Variants in MYOF observed in about 807,000 individuals in gnomAD.
MYOF encodes the protein fer-1-like 3, myoferlin.
In MYOF, 244 loss-of-function variants were observed where a neutral mutation model predicts 284.2. The ratio of observed to expected loss-of-function variants is 0.86; its 90% CI spans 0.77 to 0.95. The LOEUF (loss-of-function observed/expected upper bound fraction) is 0.95. MYOF is among the 40% of genes least tolerant of loss of function. The pLI, the probability that MYOF is intolerant of heterozygous loss-of-function variation, is 0.00. For missense variants in MYOF, 2,496 were observed against 2,560.6 expected, an observed-to-expected ratio of 0.97 and a Z score of 0.54; for synonymous variants, 904 against 919.7, an observed-to-expected ratio of 0.98 and a Z score of 0.31.
At chr10:93,444,848 G>A (rs889800340) in intron 3 of MYOF, among the ~76,000 whole-genome samples, 3 of 152,194 alleles carry the variant, frequency 2.0e-5, no homozygotes, top group Non-Finnish European at 2.9e-5. Context: ...GAACTCAAGG[G>A]TAGGGCCAGG....
intron 27 of MYOF, 64 bp downstream of exon 27, chr10:93,363,897 G>C: frequency 1.4e-6 from 2 of 1,472,744 alleles, no homozygotes; most frequent in Non-Finnish European, 1.9e-6. Flanking sequence ...GTGGCTGCTG[G>C]GTTCCCCGCA....
chr10:93,348,602 G>T (rs1319285057), intron 36 of MYOF, among the ~76,000 whole-genome samples: 1 of 151,976 alleles, frequency 6.6e-6, no homozygotes, highest in African/African-American at 2.4e-5. Context: ...AGGATAGGTG[G>T]AGTGGCCCAG....
chr10:93,321,814 T>C (rs1842853611), intron 48 of MYOF, among the ~76,000 whole-genome samples: 3 of 152,236 alleles, frequency 2.0e-5, no homozygotes, highest in Admixed American at 1.3e-4. Context: ...TATGTATAGC[T>C]TGGTATGTAA....
chr10:93,362,594 A>G (rs1372311060), intron 27 of MYOF, among the ~76,000 whole-genome samples: 2 of 152,198 alleles, frequency 1.3e-5, no homozygotes, highest in Non-Finnish European at 2.9e-5. Flanking sequence ...TCATAATGTT[A>G]ATTATATACA....
chr10:93,371,187 G>T (rs1406003497), intron 24 of MYOF, among the ~76,000 whole-genome samples: 2 of 152,128 alleles, frequency 1.3e-5, no homozygotes, highest in African/African-American at 2.4e-5. Context: ...GTCATTCAAA[G>T]TCCAAGAAAG....
intron 43 of MYOF, among the ~76,000 whole-genome samples, 166 bp from the exon 44 acceptor site, chr10:93,330,000 C>T (rs548254857): frequency 2.1e-4 from 32 of 152,222 alleles, no homozygotes; most frequent in African/African-American, 7.7e-4. Flanking sequence ...ATAAATAGTA[C>T]ATACTAGAAA....
intron 29 of MYOF, among the ~76,000 whole-genome samples, chr10:93,357,880 G>A (rs138208139): frequency 2.4e-4 from 37 of 152,284 alleles, no homozygotes; most frequent in East Asian, 5.8e-4. Flanking sequence ...TGGTGCCCTC[G>A]TGTGGAAGAA....
chr10:93,384,300 G>T (rs886358009), intron 19 of MYOF, among the ~76,000 whole-genome samples: 4 of 152,200 alleles, frequency 2.6e-5, no homozygotes, highest in African/African-American at 7.2e-5. Flanking sequence ...ATTCAGAGAA[G>T]TACAGAGCCT....
intron 1 of MYOF, among the ~76,000 whole-genome samples, chr10:93,457,720 A>G (rs1387147230): frequency 6.8e-6 from 1 of 146,892 alleles, no homozygotes; most frequent in African/African-American, 2.5e-5. Flanking sequence ...ATGCTTTGTC[A>G]GCATTATCTC....
At chr10:93,406,621 T>C (rs920835004) in intron 7 of MYOF, among the ~76,000 whole-genome samples, 3 of 151,492 alleles carry the variant, frequency 2.0e-5, no homozygotes, top group Non-Finnish European at 4.4e-5. Context: ...CTGAAGTCCA[T>C]TTCCAGTGCC....
intron 49 of MYOF, among the ~76,000 whole-genome samples, chr10:93,317,552 A>C (rs185177660): frequency 5.3e-5 from 8 of 152,186 alleles, no homozygotes; most frequent in Admixed American, 5.2e-4. Flanking sequence ...CACGAGAATC[A>C]CTCAAACCTG....
intron 39 of MYOF, among the ~76,000 whole-genome samples, chr10:93,339,337 A>G (rs181721806): frequency 1.7e-3 from 252 of 149,984 alleles, no homozygotes; most frequent in Non-Finnish European, 2.2e-3. Context: ...TATTCATGTT[A>G]TATTATATGT....
At chr10:93,421,713 C>T (rs374466918) in intron 5 of MYOF, among the ~76,000 whole-genome samples, 36 of 152,180 alleles carry the variant, frequency 2.4e-4, no homozygotes, top group African/African-American at 8.7e-4. Flanking sequence ...CTTCCCCTTC[C>T]CCCATGAGTG....
chr10:93,319,004 TC>T (rs1842740851), intron 49 of MYOF, among the ~76,000 whole-genome samples: 1 of 152,160 alleles, frequency 6.6e-6, no homozygotes, highest in Non-Finnish European at 1.5e-5. Context: ...CTTAGCGGAC[TC>T]CCCTTTTCCC....
In MYOF at chr10:93,398,665, C is replaced by T. The variant is rs374980190; in HGVS notation, c.1221+727G>A. Among the ~76,000 whole-genome samples, 7 of 152,170 alleles carry T rather than the reference C, an allele frequency of 4.6e-5. No individual in the cohort carries two copies. In the East Asian group the frequency reaches 1.3e-3, roughly 29 times the overall value. On this transcript the variant is annotated intron_variant, in intron 13 of 53. Coordinates refer to ENST00000359263, the MANE Select transcript of MYOF (RefSeq NM_013451.4). Reference sequence around the variant, plus strand: ...CCTCATTTTGCCCCAGAGCTGAAGGCTTTTCTACCACACCCACTGAATCTT... The same window carrying T: ...CCTCATTTTGCCCCAGAGCTGAAGGTTTTTCTACCACACCCACTGAATCTT...
intron 41 of MYOF, among the ~76,000 whole-genome samples, 158 bp from the exon 42 acceptor site, chr10:93,334,071 G>C (rs1354139726): frequency 1.3e-5 from 2 of 152,198 alleles, no homozygotes; most frequent in African/African-American, 4.8e-5. Context: ...ATTTCCAGTA[G>C]GGAAAGTGAA....
In MYOF at chr10:93,361,543, T is replaced by C; in HGVS notation, c.2883A>G (p.Ala961=). ...DTYTDANGDK[A]ASPSELTCPP... ...GACAAGTCAACTCGCTGGGTGATGC[T>C]GCTTTATCGCCGTTCTTACAAAACA... The change falls in exon 28 of 54, where the codon GCA becomes GCG. Residue 961 remains alanine (A), a synonymous_variant. Transcript: ENST00000359263. 2.5e-6 allele frequency: 4 copies of C among 1,614,226 alleles called. No individual in the cohort carries two copies. The highest frequency in any genetic ancestry group is 1.1e-5 in the South Asian group (1 of 91,080).
chr10:93,399,991 GCCAGCCT>G (rs1463691521), intron 12 of MYOF, among the ~76,000 whole-genome samples: 1 of 152,200 alleles, frequency 6.6e-6, no homozygotes, highest in East Asian at 1.9e-4. Context: ...GCCAGTATAT[GCCAGCCT>G]CCAGCCTAGG....
chr10:93,377,646 C>G (rs1353700795), intron 21 of MYOF, among the ~76,000 whole-genome samples: 2 of 151,880 alleles, frequency 1.3e-5, no homozygotes, highest in Non-Finnish European at 2.9e-5. Context: ...CATAATTACA[C>G]TAAACTAACC....
Sources: allele counts gnomAD v4.1 joint callset (sites outside exome capture counted in the v4.1 genomes callset), GRCh38; gene constraint gnomAD v4.1.1; transcripts MANE v1.5; gene names NCBI Gene and HGNC (gene_info 2026-07-23, HGNC 2026-07-21).